The following SFMBT2 variants were observed in gnomAD, a reference collection of about 807,000 sequenced individuals.
The protein encoded by SFMBT2 is Scm like with four mbt domains 2.
In SFMBT2, 38 loss-of-function variants were observed where a neutral mutation model predicts 110.1. The ratio of observed to expected loss-of-function variants is 0.35; its 90% CI spans 0.27 to 0.45. The LOEUF is 0.45. Ranked by LOEUF, SFMBT2 falls within the 20% of genes least tolerant of loss-of-function variation. The pLI is 1.00. For missense variants in SFMBT2, 1,011 were observed against 1,094.9 expected, an observed-to-expected ratio of 0.92 and a Z score of 1.08; for synonymous variants, 425 against 425.4, an observed-to-expected ratio of 1.00 and a Z score of 0.01.
intron 12 of SFMBT2, chr10:7,203,661 C>T (rs145324580): frequency 1.0e-6 from 1 of 984,544 alleles, no homozygotes; most frequent in Non-Finnish European, 1.2e-6. Context: ...CAGGACAACA[C>T]TCAGGTTGGG....
At chr10:7,202,851 A>T in intron 12 of SFMBT2, 1 of 985,474 alleles carries the variant, frequency 1.0e-6, no homozygotes. Context: ...AATTGTTGCA[A>T]GCAGTTATCC....
At chr10:7,314,984 G>GAGAA (rs760223408) in intron 4 of SFMBT2, among the ~76,000 whole-genome samples, 3 of 141,700 alleles carry the variant, frequency 2.1e-5, no homozygotes, top group Non-Finnish European at 3.0e-5. Flanking sequence ...GAGGGAGAAA[G>GAGAA]AGAAAGAAAG....
rs1402449567 is a variant in SFMBT2 at position 7,301,179 on chromosome 10, G to A, written c.437-15225C>T. On this transcript the variant is annotated intron_variant, in intron 4 of 20. Transcript: ENST00000397167. This position sits in a 1 kb window ranked among gnomAD's most constrained non-coding sequence, Gnocchi z 4.2. ...ACGAACAGAAGTTCCTTCACTGAAA[G>A]TCTCGGGGAAGGGAATAGTCAGCAT... 2.6e-5 allele frequency among the ~76,000 whole-genome samples: 4 copies of A among 152,228 alleles called. No homozygotes were observed. The highest frequency in any genetic ancestry group is 2.6e-4 in the Admixed American group (4 of 15,276).
At chr10:7,164,393 A>G (rs1350487040) in intron 20 of SFMBT2, 2 of 983,698 alleles carry the variant, frequency 2.0e-6, no homozygotes, top group Non-Finnish European at 2.4e-6. Flanking sequence ...CTAAACAACA[A>G]CAAAAAACAA....
Position 7,210,765 on chromosome 10 carries a change from C to T in SFMBT2, c.1331-4837G>A, listed in dbSNP as rs138764488. 5.3e-5 allele frequency among the ~76,000 whole-genome samples: 8 copies of T among 152,296 alleles called. No homozygotes were observed. In the East Asian group the frequency reaches 7.7e-4, roughly 15 times the overall value. On this transcript the variant is annotated intron_variant, in intron 11 of 20. Transcript: ENST00000397167. Reference sequence around the variant, plus strand: ...CAGATGCCTATCAAGAAGCCCAGCGCGCAAAGCCTCCCTGGGTCAGCTCTG... The same window carrying T: ...CAGATGCCTATCAAGAAGCCCAGCGTGCAAAGCCTCCCTGGGTCAGCTCTG...
chr10:7,354,003 C>T (rs1255285247), intron 4 of SFMBT2, among the ~76,000 whole-genome samples: 1 of 151,426 alleles, frequency 6.6e-6, no homozygotes, highest in African/African-American at 2.4e-5. Flanking sequence ...AGGAGAATCG[C>T]TCGAACCCGG....
chr10:7,404,954 T>A (rs1846174357), intron 1 of SFMBT2, among the ~76,000 whole-genome samples: 1 of 152,210 alleles, frequency 6.6e-6, no homozygotes. Context: ...GCAGACTATC[T>A]TCCCTTCCTT....
At chr10:7,190,766 C>T (rs746253010) in intron 15 of SFMBT2, among the ~76,000 whole-genome samples, 4 of 152,196 alleles carry the variant, frequency 2.6e-5, no homozygotes, top group Admixed American at 2.6e-4. Flanking sequence ...GCCCCTGCCC[C>T]CAAACTAATA....
intron 1 of SFMBT2, among the ~76,000 whole-genome samples, chr10:7,410,468 C>T (rs1846342271): frequency 6.6e-6 from 1 of 152,166 alleles, no homozygotes; most frequent in South Asian, 2.1e-4. Flanking sequence ...AGGTGGGCGG[C>T]GGGAGGGGAC....
chr10:7,189,043 G>GCGC, intron 15 of SFMBT2: 1 of 605,888 alleles, frequency 1.7e-6, no homozygotes, highest in Non-Finnish European at 2.1e-6. Context: ...TTTCACCAAA[G>GCGC]AGCAATTTAT....
At chr10:7,330,218 G>A (rs140212033) in intron 4 of SFMBT2, among the ~76,000 whole-genome samples, 129 of 152,170 alleles carry the variant, frequency 8.5e-4, no homozygotes, top group African/African-American at 2.9e-3. Flanking sequence ...AACCTGAAAG[G>A]TAAATCAATA....
In SFMBT2 at chr10:7,398,160, G is replaced by T. The variant is rs535482819; in HGVS notation, c.-52+12701C>A. On this transcript the variant is annotated intron_variant, in intron 1 of 20. Coordinates refer to ENST00000397167, the MANE Select transcript of SFMBT2 (RefSeq NM_001387889.1). The stretch of plus-strand genomic sequence containing the variant: ...ATACTAGGAAATAAGATCTACTGGG[G>T]ATAATAGGCACTCTAGGAGTAAATA... Among the ~76,000 whole-genome samples the T allele has an allele frequency of 2.0e-5, 3 of 152,290 alleles. No individual in the cohort carries two copies. In the South Asian group the frequency reaches 6.2e-4, roughly 32 times the overall value.
intron 9 of SFMBT2, among the ~76,000 whole-genome samples, chr10:7,229,908 G>A (rs555713574): frequency 6.6e-6 from 1 of 151,554 alleles, no homozygotes; most frequent in African/African-American, 2.4e-5. Flanking sequence ...TCATAGAGAC[G>A]AGGTTGCACC....
At chr10:7,219,751 C>A in intron 11 of SFMBT2, 1 of 333,238 alleles carries the variant, frequency 3.0e-6, no homozygotes, top group Non-Finnish European at 4.3e-6. Flanking sequence ...ATGGGAAAGT[C>A]TTGGAGATCA....
rs533922881 is a variant in SFMBT2, at chr10:7,276,860, G to C, written c.870+32C>G. 4.4e-5 allele frequency: 37 copies of C among 848,992 alleles called. No individual in the cohort carries two copies. In the South Asian group the frequency reaches 4.5e-4, roughly 10 times the overall value. The allele number at this position is 848,992 out of a possible 1,614,324, so 52.6% of individuals were successfully genotyped here. A position where few individuals can be genotyped will look rare whatever the true frequency, so the allele number is the denominator to read the frequency against. On this transcript the variant is annotated intron_variant, in intron 7 of 20. Coordinates refer to ENST00000397167, the MANE Select transcript of SFMBT2 (RefSeq NM_001387889.1). ...TGTAGATGATTTTATTCTCAAAAAG[G>C]GTAGATACATTGCTAAGAATCAACA...
At chr10:7,407,611 G>A (rs1029288353) in intron 1 of SFMBT2, among the ~76,000 whole-genome samples, 3 of 152,192 alleles carry the variant, frequency 2.0e-5, no homozygotes, top group Admixed American at 6.5e-5. Flanking sequence ...GGGTGAGCGA[G>A]AAGTCGGGCG....
chr10:7,316,514 G>A (rs527253289), intron 4 of SFMBT2, among the ~76,000 whole-genome samples: 1 of 152,276 alleles, frequency 6.6e-6, no homozygotes, highest in African/African-American at 2.4e-5. Context: ...CTATGCAGGG[G>A]ACGACAGGCC....
intron 15 of SFMBT2, among the ~76,000 whole-genome samples, chr10:7,195,940 T>C (rs893149685): frequency 2.0e-5 from 3 of 152,194 alleles, no homozygotes. Context: ...CTGACAGGTT[T>C]CTTCTAAACT....
At chr10:7,313,500 TACAG>T (rs1187854626) in intron 4 of SFMBT2, among the ~76,000 whole-genome samples, 1 of 152,232 alleles carries the variant, frequency 6.6e-6, no homozygotes, top group Non-Finnish European at 1.5e-5. Context: ...GTGTTTTCTC[TACAG>T]ACAGAGTTTC....
Sources: allele counts gnomAD v4.1 joint callset (sites outside exome capture counted in the v4.1 genomes callset), GRCh38; gene constraint gnomAD v4.1.1; non-coding constraint Gnocchi (gnomAD v3.1); transcripts MANE v1.5; gene names NCBI Gene and HGNC (gene_info 2026-07-23, HGNC 2026-07-21).